The following MTMR7 variants were observed in gnomAD, a reference collection of about 807,000 sequenced individuals.
MTMR7 encodes phosphatidylinositol-3-phosphate phosphatase MTMR7.
Under a neutral mutation model 81.2 loss-of-function variants are expected in MTMR7, and 76 were observed. The observed-to-expected ratio is 0.94, with a 90% CI of 0.78 to 1.13. MTMR7 has a LOEUF of 1.13. Among genes scored for constraint, MTMR7 ranks in the 50% most tolerant of loss-of-function variants. The probability of loss-of-function intolerance (pLI) is 0.00; values close to 1 mark genes in which losing one functional copy is unlikely to be tolerated. For missense variants in MTMR7, 1,044 were observed against 820.0 expected, an observed-to-expected ratio of 1.27 and a Z score of -3.34; for synonymous variants, 372 against 289.8, an observed-to-expected ratio of 1.28 and a Z score of -2.88.
intron 1 of MTMR7, among the ~76,000 whole-genome samples, chr8:17,386,932 A>G (rs1820960879): frequency 1.3e-5 from 2 of 152,204 alleles, no homozygotes; most frequent in South Asian, 4.1e-4. Context: ...ACATCCTGCC[A>G]CACAGTCTAG....
intron 7 of MTMR7, among the ~76,000 whole-genome samples, chr8:17,318,919 A>G (rs1818242592): frequency 6.6e-6 from 1 of 152,042 alleles, no homozygotes; most frequent in Non-Finnish European, 1.5e-5. Flanking sequence ...CACATCTCCA[A>G]CGTCTCCTGA....
intron 1 of MTMR7, among the ~76,000 whole-genome samples, chr8:17,392,076 C>T (rs560868888): frequency 2.8e-4 from 42 of 152,192 alleles, no homozygotes; most frequent in African/African-American, 9.4e-4. Flanking sequence ...AACCATCACA[C>T]GGACAAAGTC....
At chr8:17,349,697 C>CCA (rs1819667224) in intron 4 of MTMR7, among the ~76,000 whole-genome samples, 1 of 152,166 alleles carries the variant, frequency 6.6e-6, no homozygotes, top group African/African-American at 2.4e-5. Flanking sequence ...TCCTAATGTG[C>CCA]CACAGATTAC....
At chr8:17,314,665 G>A (rs1190146817) in intron 7 of MTMR7, among the ~76,000 whole-genome samples, 1 of 152,194 alleles carries the variant, frequency 6.6e-6, no homozygotes, top group Non-Finnish European at 1.5e-5. Flanking sequence ...TGACAACAGT[G>A]TTGAAGGAAA....
Position 17,299,849 on chromosome 8 carries a change from C to G in MTMR7, c.*13G>C, listed in dbSNP as rs1337094310. 6 of 1,613,104 alleles carry G rather than the reference C, an allele frequency of 3.7e-6. No individual in the cohort carries two copies. The highest frequency in any genetic ancestry group is 5.1e-6 in the Non-Finnish European group (6 of 1,179,422). On this transcript the variant is annotated 3_prime_UTR_variant, in exon 14 of 14. Transcript: ENST00000180173. The stretch of plus-strand genomic sequence containing the variant: ...CTTATGTGTCCTTTACTTTGGAACT[C>G]CAAAGGGAAACTTCAGGCAGTGAGA...
chr8:17,394,756 T>C (rs921752520), intron 1 of MTMR7, among the ~76,000 whole-genome samples: 1 of 152,200 alleles, frequency 6.6e-6, no homozygotes, highest in Non-Finnish European at 1.5e-5. Context: ...GTAAGAATTT[T>C]AACTGAGTGT....
At chr8:17,395,496 G>T (rs888872315) in intron 1 of MTMR7, among the ~76,000 whole-genome samples, 1 of 152,106 alleles carries the variant, frequency 6.6e-6, no homozygotes, top group African/African-American at 2.4e-5. Flanking sequence ...AACTACCAAA[G>T]GGTTTTCCAC....
At chr8:17,323,893 A>C (rs915335274) in intron 7 of MTMR7, among the ~76,000 whole-genome samples, 1 of 152,220 alleles carries the variant, frequency 6.6e-6, no homozygotes, top group Non-Finnish European at 1.5e-5. Context: ...AAAATCTGCC[A>C]TCTTGGTTAA....
At chr8:17,335,656 C>G (rs1563343134) in intron 6 of MTMR7, among the ~76,000 whole-genome samples, 1 of 152,210 alleles carries the variant, frequency 6.6e-6, no homozygotes. Flanking sequence ...TCCTATATAA[C>G]TGGTTACAGG....
At position 17,299,950 on chromosome 8, in the gene MTMR7, C is replaced by A; in HGVS notation, c.1895G>T (p.Cys632Phe). The part of the protein sequence containing the change: ...DQESGVEDLS[C>F]RSPSGGEHAP... ...ATGCTCACCACCACTTGGAGACCGA[C>A]AGCTCAAATCCTCCACCCCGGACTC... The change falls in exon 14 of 14, where the codon TGT (cysteine) becomes TTT (phenylalanine). Residue 632 changes from cysteine to phenylalanine, a missense_variant. Coordinates refer to ENST00000180173, the MANE Select transcript of MTMR7 (RefSeq NM_004686.5). 1 of 1,614,170 alleles carries A rather than the reference C, an allele frequency of 6.2e-7. No individual in the cohort carries two copies. The highest frequency in any genetic ancestry group is 1.1e-5 in the South Asian group (1 of 91,086).
chr8:17,319,766 T>G (rs1412320883), intron 7 of MTMR7, among the ~76,000 whole-genome samples: 2 of 152,046 alleles, frequency 1.3e-5, no homozygotes, highest in African/African-American at 4.8e-5. Context: ...GAGGCTCCAG[T>G]CTGGCTCCAG....
chr8:17,351,479 C>G (rs1819725794), intron 4 of MTMR7, among the ~76,000 whole-genome samples: 1 of 152,222 alleles, frequency 6.6e-6, no homozygotes, highest in East Asian at 1.9e-4. Context: ...CACAAAGGAG[C>G]AAGAAGACCA....
At chr8:17,331,064 C>T (rs1818973893) in intron 7 of MTMR7, 86 bp downstream of exon 7, 1 of 1,481,844 alleles carries the variant, frequency 6.7e-7, no homozygotes, top group Non-Finnish European at 9.1e-7. Context: ...TATGTAAAAA[C>T]ATTTTAAAAT....
At position 17,300,037 on chromosome 8, in the gene MTMR7, A is replaced by G; in HGVS notation, c.1808T>C (p.Leu603Pro). ...SPSQGDEDSA[L>P]ILTQDNLKSS... is the part of the protein sequence containing the mutation. ...TTTCAGATTGTCTTGGGTTAGAATC[A>G]GAGCAGAATCTTCATCGCCTTGTGA... Residue 603 changes from leucine to proline, a missense_variant, in exon 14 of 14, where the codon CTG becomes CCG. Physicochemically the swap from Leu to Pro is moderately conservative, Grantham distance 98 (BLOSUM62 -3). Transcript: ENST00000180173. 4 of 1,614,184 alleles carry G rather than the reference A, an allele frequency of 2.5e-6. No homozygotes were observed. The highest frequency in any genetic ancestry group is 3.4e-6 in the Non-Finnish European group (4 of 1,180,024).
Position 17,297,601 on chromosome 8 carries a change from A to G in MTMR7, c.*2261T>C, listed in dbSNP as rs911583458. The G allele has an allele frequency of 9.9e-5, 15 of 152,048 alleles. No homozygotes were observed. The highest frequency in any genetic ancestry group is 3.4e-4 in the African/African-American group (14 of 41,440). 9.4% of individuals were successfully genotyped at this position (152,048 alleles called of 1,614,324 possible). On this transcript the variant is annotated 3_prime_UTR_variant, in exon 14 of 14. Transcript: ENST00000180173. ...TTAAAAAATAAATTACTTGCATTCT[A>G]TATATTACTAATTGGGAAGTAATAT...
rs559060797 is a variant in MTMR7, at chr8:17,296,975, G to C, written c.*2887C>G. ...TTATGTATGTCACCCACGATGAAAAGAATCTGCATTTGAATATGCCCGTAT... is the reference window on the plus strand; with the variant it reads ...TTATGTATGTCACCCACGATGAAAACAATCTGCATTTGAATATGCCCGTAT... On this transcript the variant is annotated 3_prime_UTR_variant, in exon 14 of 14. Transcript: ENST00000180173. The C allele has an allele frequency of 6.6e-6, 1 of 152,278 alleles. No homozygotes were observed. The highest frequency in any genetic ancestry group is 2.1e-4 in the South Asian group (1 of 4,826). 9.4% of individuals were successfully genotyped at this position (152,278 alleles called of 1,614,324 possible). A position where few individuals can be genotyped will look rare whatever the true frequency, so the allele number is the denominator to read the frequency against.
intron 1 of MTMR7, among the ~76,000 whole-genome samples, chr8:17,403,259 C>A (rs2150584958): frequency 6.6e-6 from 1 of 152,090 alleles, no homozygotes; most frequent in Non-Finnish European, 1.5e-5. Context: ...CTTGGTAGGG[C>A]AAGATATATG....
intron 7 of MTMR7, among the ~76,000 whole-genome samples, chr8:17,318,999 G>A (rs751683353): frequency 3.9e-5 from 6 of 152,224 alleles, no homozygotes; most frequent in Non-Finnish European, 7.3e-5. Context: ...GTTTTTAACA[G>A]CAGGGATTTC....
In MTMR7 at chr8:17,311,655, G is replaced by T. The variant is rs201248756; in HGVS notation, c.976-19C>A. 3 of 1,613,702 alleles carry T rather than the reference G, an allele frequency of 1.9e-6. No individual in the cohort carries two copies. The highest frequency in any genetic ancestry group is 1.1e-5 in the South Asian group (1 of 91,042). ...ACACTGCCTAGAAAACACACGATCCGCAAAGAGTCACAAAGAATGGCTGTA... is the reference window on the plus strand; with the variant it reads ...ACACTGCCTAGAAAACACACGATCCTCAAAGAGTCACAAAGAATGGCTGTA... On this transcript the variant is annotated intron_variant, in intron 8 of 13. Transcript: ENST00000180173.
Sources: allele counts gnomAD v4.1 joint callset (sites outside exome capture counted in the v4.1 genomes callset), GRCh38; gene constraint gnomAD v4.1.1; transcripts MANE v1.5; gene names NCBI Gene and HGNC (gene_info 2026-07-23, HGNC 2026-07-21).